Variants in STXBP6 observed in about 807,000 individuals in gnomAD.
STXBP6 encodes syntaxin-binding protein 6.
STXBP6 carries 21 observed loss-of-function variants against 26.9 expected under a neutral mutation model. The ratio of observed to expected loss-of-function variants is 0.78; its 90% CI spans 0.55 to 1.12. STXBP6 has a LOEUF of 1.12. Ranked by LOEUF, STXBP6 falls within the 50% of genes most tolerant of loss-of-function variation. The pLI, the probability that STXBP6 is intolerant of heterozygous loss-of-function variation, is 0.00. For synonymous variants in STXBP6, 97 were observed against 92.6 expected (o/e 1.05, Z -0.27); for missense variants, 232 against 257.9 (o/e 0.90, Z 0.69).
chr14:24,819,359 C>G, intron 4 of STXBP6, 165 bp from the exon 5 acceptor site: 1 of 772,160 alleles, frequency 1.3e-6, no homozygotes, highest in Non-Finnish European at 2.2e-6. Flanking sequence ...TTGGGTTTGA[C>G]TGACGCACTT....
In STXBP6 at chr14:25,049,065, A is replaced by C; in HGVS notation, c.-33+813T>G. On this transcript the variant is annotated intron_variant, in intron 1 of 5. Transcript: ENST00000323944. This position sits in a 1 kb window ranked among gnomAD's most constrained non-coding sequence, Gnocchi z 5.6. The stretch of plus-strand genomic sequence containing the variant: ...AACCAAGGGCAGATACACCCCGGGG[A>C]CTTTCTCCTAAAGAACAAGATGTCT... 1.4e-6 allele frequency: 1 copy of C among 739,410 alleles called. No homozygotes were observed. Among genetic ancestry groups the C allele is most frequent in the Non-Finnish European group, 1.7e-6 (1 of 605,000 alleles). 45.8% of individuals were successfully genotyped at this position (739,410 alleles called of 1,614,324 possible).
intron 1 of STXBP6, among the ~76,000 whole-genome samples, chr14:25,015,794 A>T (rs1205354997): frequency 7.0e-6 from 1 of 143,312 alleles, no homozygotes; most frequent in African/African-American, 2.9e-5. Context: ...AACAAACAAC[A>T]ACAAGGAAAA....
rs558240139 is a variant in STXBP6 at position 24,996,575 on chromosome 14, A to T, written c.-32-21725T>A. Among the ~76,000 whole-genome samples the T allele has an allele frequency of 8.9e-4, 135 of 151,700 alleles. 1 individual carries two copies. The highest frequency in any genetic ancestry group is 3.4e-3 in the Middle Eastern group (1 of 294). ...AAAATAAAAAATTAAAAATAAAATT[A>T]AAAAAAAGGCTCAAGCCTGTAATCC... On this transcript the variant is annotated intron_variant, in intron 1 of 5. Coordinates refer to ENST00000323944, the MANE Select transcript of STXBP6 (RefSeq NM_001394410.1).
chr14:24,810,272 T>C lies in STXBP6; in HGVS notation c.*2437A>G, dbSNP rs1343909604. 6.6e-6 allele frequency: 1 copy of C among 152,218 alleles called. No individual in the cohort carries two copies. The highest frequency in any genetic ancestry group is 1.9e-4 in the East Asian group (1 of 5,198). 9.4% of individuals were successfully genotyped at this position (152,218 alleles called of 1,614,324 possible). The stretch of plus-strand genomic sequence containing the variant: ...GCTCAACCAAACTGGTCCCAAATCA[T>C]GACAGTTATTTTGTCTAAGACCGTA... On this transcript the variant is annotated 3_prime_UTR_variant, in exon 6 of 6. Coordinates refer to ENST00000323944, the MANE Select transcript of STXBP6 (RefSeq NM_001394410.1).
At chr14:24,851,711 A>G (rs2069163824) in intron 4 of STXBP6, among the ~76,000 whole-genome samples, 1 of 152,144 alleles carries the variant, frequency 6.6e-6, no homozygotes, top group African/African-American at 2.4e-5. Context: ...AAGTAAATCC[A>G]AACCATATGA....
At chr14:24,960,309 G>A (rs796959826) in intron 2 of STXBP6, among the ~76,000 whole-genome samples, 1 of 152,152 alleles carries the variant, frequency 6.6e-6, no homozygotes, top group African/African-American at 2.4e-5. Flanking sequence ...TACATGTACT[G>A]CAGCAAAGGT....
chr14:24,818,694 T>C (rs1417320078), intron 5 of STXBP6, among the ~76,000 whole-genome samples: 2 of 152,114 alleles, frequency 1.3e-5, no homozygotes, highest in African/African-American at 4.8e-5. Context: ...GGGGCAGGGA[T>C]ATTCGAAGAC....
chr14:24,981,726 C>T (rs984011055), intron 1 of STXBP6, among the ~76,000 whole-genome samples: 1 of 152,174 alleles, frequency 6.6e-6, no homozygotes, highest in Admixed American at 6.5e-5. Flanking sequence ...TGAGCATGCA[C>T]ACACCATGTG....
At chr14:24,923,997 A>C (rs2072073667) in intron 2 of STXBP6, among the ~76,000 whole-genome samples, 2 of 152,166 alleles carry the variant, frequency 1.3e-5, no homozygotes. Flanking sequence ...GATAAAAATA[A>C]GAACCAATTC....
intron 1 of STXBP6, among the ~76,000 whole-genome samples, chr14:24,992,286 T>C (rs1033245562): frequency 4.7e-4 from 71 of 152,200 alleles, no homozygotes; most frequent in African/African-American, 1.7e-3. Context: ...TAACTACCCA[T>C]GAGCTTTGCT....
At chr14:24,987,678 C>G (rs1030301839) in intron 1 of STXBP6, among the ~76,000 whole-genome samples, 7 of 152,234 alleles carry the variant, frequency 4.6e-5, no homozygotes, top group African/African-American at 1.4e-4. Flanking sequence ...AATCCCATAT[C>G]ATTTCCATTG....
At chr14:25,021,232 A>G (rs1302740357) in intron 1 of STXBP6, among the ~76,000 whole-genome samples, 4 of 151,904 alleles carry the variant, frequency 2.6e-5, no homozygotes, top group African/African-American at 9.7e-5. Context: ...CTCTCCTTTC[A>G]TCTTAGGCCA....
intron 2 of STXBP6, among the ~76,000 whole-genome samples, chr14:24,866,824 A>C (rs2069739877): frequency 6.6e-6 from 1 of 151,802 alleles, no homozygotes; most frequent in South Asian, 2.1e-4. Flanking sequence ...TTAAGATGTC[A>C]GTTCTCCCCA....
chr14:25,014,625 T>C (rs2075105955), intron 1 of STXBP6, among the ~76,000 whole-genome samples: 1 of 152,248 alleles, frequency 6.6e-6, no homozygotes, highest in South Asian at 2.1e-4. Flanking sequence ...GAACACTTGA[T>C]AAACTAGGCT....
In STXBP6 at chr14:24,812,637, C is replaced by T. The variant is rs712491; in HGVS notation, c.*72G>A. 424,075 of 1,511,920 alleles carry T rather than the reference C, an allele frequency of 0.28. 63,201 individuals carry two copies. Among genetic ancestry groups the T allele is most frequent in the Non-Finnish European group, 0.31 (339,807 of 1,089,462 alleles). The allele number at this position is 1,511,920 out of a possible 1,614,324, so 93.7% of individuals were successfully genotyped here. ...GAAAAAAAGAAGCAAGCGGAGGTCC[C>T]GAATTCTTGTAAAAACTGCTGAACA... is the stretch of plus-strand genomic sequence containing the variant. On this transcript the variant is annotated 3_prime_UTR_variant, in exon 6 of 6. Transcript: ENST00000323944.
chr14:24,982,558 T>C (rs1051096836), intron 1 of STXBP6, among the ~76,000 whole-genome samples: 3 of 152,234 alleles, frequency 2.0e-5, no homozygotes, highest in African/African-American at 4.8e-5. Context: ...AAACGAGGAA[T>C]TGCTTTTCTG....
intron 4 of STXBP6, among the ~76,000 whole-genome samples, chr14:24,849,667 C>T (rs938903745): frequency 3.3e-5 from 5 of 152,092 alleles, no homozygotes; most frequent in Non-Finnish European, 7.4e-5. Context: ...GGAACTATGC[C>T]ATGGATTCCT....
chr14:24,888,803 T>G (rs1006157029), intron 2 of STXBP6, among the ~76,000 whole-genome samples: 1 of 151,916 alleles, frequency 6.6e-6, no homozygotes, highest in African/African-American at 2.4e-5. Flanking sequence ...CTTTTATGGG[T>G]AGGTTCCTGA....
At chr14:24,835,929 A>G (rs955009377) in intron 4 of STXBP6, among the ~76,000 whole-genome samples, 5 of 152,332 alleles carry the variant, frequency 3.3e-5, no homozygotes, top group Middle Eastern at 3.4e-3. Flanking sequence ...CAAAAGAACA[A>G]GAAGTCATTA....
Sources: allele counts gnomAD v4.1 joint callset (sites outside exome capture counted in the v4.1 genomes callset), GRCh38; gene constraint gnomAD v4.1.1; non-coding constraint Gnocchi (gnomAD v3.1); transcripts MANE v1.5; gene names NCBI Gene and HGNC (gene_info 2026-07-23, HGNC 2026-07-21).